PPFIA3: variants seen among roughly 807,000 people sequenced by gnomAD.
PPFIA3 encodes PPFI scaffold protein A3.
In PPFIA3, 26 loss-of-function variants were observed where a neutral mutation model predicts 145.8. The observed-to-expected ratio is 0.18, with a 90% CI of 0.13 to 0.25. PPFIA3 has a LOEUF of 0.25. PPFIA3 is among the 10% of genes least tolerant of loss of function. PPFIA3 has a pLI of 1.00. For missense variants in PPFIA3, 1,008 were observed against 1,587.8 expected (o/e 0.63, Z 6.21); for synonymous variants, 645 against 661.4 (o/e 0.98, Z 0.38).
At chr19:49,143,256 G>A (rs939708801) in intron 21 of PPFIA3, among the ~76,000 whole-genome samples, 1 of 152,214 alleles carries the variant, frequency 6.6e-6, no homozygotes, top group Non-Finnish European at 1.5e-5. Flanking sequence ...CCACTCAAAT[G>A]TCACCACCTC....
In PPFIA3 at chr19:49,133,152, G is replaced by C; in HGVS notation, c.1026+5G>C. ...AAGGAGTCGTTGTATCGGCAGGTGG[G>C]GGCGCGGCCGGGAGGGGCGATGGGG... On this transcript the variant is annotated splice_donor_5th_base_variant and intron_variant, in intron 8 of 29. Coordinates refer to ENST00000334186, the MANE Select transcript of PPFIA3 (RefSeq NM_003660.4). The surrounding 1 kb of genome is among the most constrained non-coding windows in gnomAD (Gnocchi z 7.2). 2 of 1,591,766 alleles carry C rather than the reference G, an allele frequency of 1.3e-6. No individual in the cohort carries two copies. The highest frequency in any genetic ancestry group is 1.7e-6 in the Non-Finnish European group (2 of 1,167,734).
Position 49,128,553 on chromosome 19 carries a change from G to A in PPFIA3, c.342+85G>A. 7.7e-7 allele frequency: 1 copy of A among 1,300,084 alleles called. No homozygotes were observed. Among genetic ancestry groups the A allele is most frequent in the Non-Finnish European group, 1.1e-6 (1 of 917,024 alleles). The allele number at this position is 1,300,084 out of a possible 1,614,324, so 80.5% of individuals were successfully genotyped here. ...GGGCGGGGCCTCTCAGTGTTGCAGC[G>A]TGACCTATTTTTTTCCCCCATCTCG... On this transcript the variant is annotated intron_variant, in intron 3 of 29. Coordinates refer to ENST00000334186, the MANE Select transcript of PPFIA3 (RefSeq NM_003660.4). This position sits in a 1 kb window ranked among gnomAD's most constrained non-coding sequence, Gnocchi z 4.1.
Position 49,136,820 on chromosome 19 carries a change from G to A in PPFIA3, c.1762G>A (p.Ala588Thr). The A allele has an allele frequency of 6.3e-7, 1 of 1,591,410 alleles. No individual in the cohort carries two copies. The highest frequency in any genetic ancestry group is 1.8e-5 in the Admixed American group (1 of 56,518). The change falls in exon 15 of 30, where the codon GCC becomes ACC. Residue 588 changes from alanine to threonine, a missense_variant. Physicochemically the swap from Ala to Thr is moderately conservative, Grantham distance 58 (BLOSUM62 0). Around this residue, in one of 11 missense-constraint regions of PPFIA3, gnomAD observed 121 missense variants for 138.2 expected, o/e 0.88. Coordinates refer to ENST00000334186, the MANE Select transcript of PPFIA3 (RefSeq NM_003660.4). ...DEEEAEGMFG[A>T]ELLSPSGQAD... ...GGAGGAGGCAGAGGGGATGTTTGGG[G>A]CCGAGCTGCTGTCCCCCAGTGGGCA...
At chr19:49,145,187 C>G (rs2041266726) in intron 21 of PPFIA3, among the ~76,000 whole-genome samples, 1 of 152,044 alleles carries the variant, frequency 6.6e-6, no homozygotes, top group African/African-American at 2.4e-5. Flanking sequence ...CCGCCTCTGC[C>G]TCCCGAAGTG....
chr19:49,137,704 G>A (rs961502284), intron 15 of PPFIA3, among the ~76,000 whole-genome samples: 2 of 145,214 alleles, frequency 1.4e-5, no homozygotes, highest in African/African-American at 2.5e-5. Flanking sequence ...AGTCTACCCT[G>A]ATTCACCAGC....
At chr19:49,143,904 C>G (rs775745549) in intron 21 of PPFIA3, among the ~76,000 whole-genome samples, 1 of 152,080 alleles carries the variant, frequency 6.6e-6, no homozygotes, top group Non-Finnish European at 1.5e-5. Flanking sequence ...AATGAAATAT[C>G]TTGGGGATGG....
chr19:49,133,443 C>A lies in PPFIA3; in HGVS notation c.1161+72C>A. 6.8e-7 allele frequency: 1 copy of A among 1,467,406 alleles called. No individual in the cohort carries two copies. The highest frequency in any genetic ancestry group is 9.0e-7 in the Non-Finnish European group (1 of 1,109,872). 90.9% of individuals were successfully genotyped at this position (1,467,406 alleles called of 1,614,324 possible). A position where few individuals can be genotyped will look rare whatever the true frequency, so the allele number is the denominator to read the frequency against. ...GCCTAGAGGAGGCGGGGCCGTGAATCTGGAGGGGTAGGAGCGAGGTCAGAA... is the reference window on the plus strand; with the variant it reads ...GCCTAGAGGAGGCGGGGCCGTGAATATGGAGGGGTAGGAGCGAGGTCAGAA... On this transcript the variant is annotated intron_variant, in intron 9 of 29. Transcript: ENST00000334186. This position sits in a 1 kb window ranked among gnomAD's most constrained non-coding sequence, Gnocchi z 7.2.
At chr19:49,144,116 A>G (rs1023285650) in intron 21 of PPFIA3, among the ~76,000 whole-genome samples, 3 of 151,666 alleles carry the variant, frequency 2.0e-5, no homozygotes. Flanking sequence ...AGCAATTCCA[A>G]TCCTCTGCCT....
chr19:49,128,538 T>C lies in PPFIA3; in HGVS notation c.342+70T>C. 1.4e-6 allele frequency: 2 copies of C among 1,389,688 alleles called. No individual in the cohort carries two copies. Among genetic ancestry groups the C allele is most frequent in the South Asian group, 2.3e-5 (2 of 85,112 alleles). 86.1% of individuals were successfully genotyped at this position (1,389,688 alleles called of 1,614,324 possible). On this transcript the variant is annotated intron_variant, in intron 3 of 29. Coordinates refer to ENST00000334186, the MANE Select transcript of PPFIA3 (RefSeq NM_003660.4). The surrounding 1 kb of genome is among the most constrained non-coding windows in gnomAD (Gnocchi z 4.1). The stretch of plus-strand genomic sequence containing the variant: ...TGGTGTTGAAGTGGGGGGCGGGGCC[T>C]CTCAGTGTTGCAGCGTGACCTATTT...
Position 49,129,044 on chromosome 19 carries a change from T to C in PPFIA3, c.507+32T>C, listed in dbSNP as rs749030964. On this transcript the variant is annotated intron_variant, in intron 4 of 29. Transcript: ENST00000334186. Reference sequence around the variant, plus strand: ...GAATTAGAAGAGCAGGGGTGGAGAATGGAAACCTATAGTTGACTGGGGCTG... The same window carrying C: ...GAATTAGAAGAGCAGGGGTGGAGAACGGAAACCTATAGTTGACTGGGGCTG... 4.5e-6 allele frequency: 7 copies of C among 1,551,152 alleles called. No individual in the cohort carries two copies. The Admixed American group carries it at 1.4e-4, about 30-fold the overall frequency.
intron 16 of PPFIA3, among the ~76,000 whole-genome samples, chr19:49,139,316 T>C (rs2041180642): frequency 7.3e-6 from 1 of 136,684 alleles, no homozygotes; most frequent in Admixed American, 7.3e-5. Flanking sequence ...AGAGCTAGAC[T>C]CTGTCTCAAA....
intron 7 of PPFIA3, among the ~76,000 whole-genome samples, chr19:49,131,215 C>T (rs2041066812): frequency 7.4e-6 from 1 of 135,706 alleles, no homozygotes; most frequent in African/African-American, 2.8e-5. Flanking sequence ...GTCGCCCAGG[C>T]TGGAGTGCAG....
intron 23 of PPFIA3, chr19:49,146,449 C>T (rs1281575118): frequency 5.2e-6 from 3 of 573,360 alleles, no homozygotes; most frequent in East Asian, 2.9e-5. Flanking sequence ...GTTGTGGGGG[C>T]TCTAAGGGGC....
In PPFIA3 at chr19:49,137,012, C is replaced by T. The variant is rs1408605798; in HGVS notation, c.1853+101C>T. 4 of 1,139,104 alleles carry T rather than the reference C, an allele frequency of 3.5e-6. No homozygotes were observed. The African/African-American group carries it at 4.7e-5, about 13-fold the overall frequency. 70.6% of individuals were successfully genotyped at this position (1,139,104 alleles called of 1,614,324 possible). On this transcript the variant is annotated intron_variant, in intron 15 of 29. Transcript: ENST00000334186. ...GAAAGCCTGAGTCCGTCTCCTCTTA[C>T]ACCATCCACAAGGAATTCTTCCAGC... is the stretch of plus-strand genomic sequence containing the variant.
intron 18 of PPFIA3, among the ~76,000 whole-genome samples, chr19:49,140,569 T>TTGAACTCC (rs2041207256): frequency 6.6e-6 from 1 of 151,396 alleles, no homozygotes; most frequent in South Asian, 2.1e-4. Flanking sequence ...CAGGCTGGTC[T>TTGAACTCC]TGAACTCCTG....
intron 1 of PPFIA3, among the ~76,000 whole-genome samples, 154 bp downstream of exon 1, chr19:49,119,876 C>T (rs953368016): frequency 6.6e-6 from 1 of 151,840 alleles, no homozygotes. Flanking sequence ...CAGGCGTGCC[C>T]CTCCCGGCGC....
chr19:49,140,437 C>T (rs944426297), intron 18 of PPFIA3, among the ~76,000 whole-genome samples: 2 of 150,546 alleles, frequency 1.3e-5, no homozygotes, highest in African/African-American at 4.9e-5. Flanking sequence ...GAACCTCTAC[C>T]TCCTGGGTTC....
chr19:49,130,211 G>A lies in PPFIA3; in HGVS notation c.657+144G>A. On this transcript the variant is annotated intron_variant, in intron 6 of 29. Coordinates refer to ENST00000334186, the MANE Select transcript of PPFIA3 (RefSeq NM_003660.4). The surrounding 1 kb of genome is among the most constrained non-coding windows in gnomAD (Gnocchi z 4.5). ...CACAGAGCTTGGACCTCTGATTCAG[G>A]TCACCTAGCGAACTTCTGTGACCTC... 1 of 1,155,048 alleles carries A rather than the reference G, an allele frequency of 8.7e-7. No homozygotes were observed. Among genetic ancestry groups the A allele is most frequent in the Non-Finnish European group, 1.2e-6 (1 of 827,858 alleles). The allele number at this position is 1,155,048 out of a possible 1,614,324, so 71.5% of individuals were successfully genotyped here. A position where few individuals can be genotyped will look rare whatever the true frequency, so the allele number is the denominator to read the frequency against.
intron 12 of PPFIA3, 58 bp from the exon 13 acceptor site, chr19:49,134,778 G>T (rs2041117259): frequency 6.2e-7 from 1 of 1,610,826 alleles, no homozygotes; most frequent in African/African-American, 1.3e-5. Context: ...GTCTGGCAGG[G>T]GCTGTTCCTC....
Sources: gnomAD v4.1 joint callset for allele counts (sites outside exome capture counted in the v4.1 genomes callset) on GRCh38, gnomAD v4.1.1 for gene constraint, gnomAD v4.1.1 regional missense constraint, Gnocchi (gnomAD v3.1) non-coding constraint, MANE v1.5 for transcripts, NCBI Gene and HGNC (gene_info 2026-07-23, HGNC 2026-07-21) for gene names.